The following XRCC4 variants were observed in gnomAD, a reference collection of about 807,000 sequenced individuals.
XRCC4 encodes DNA repair protein XRCC4.
A neutral mutation model predicts 39.1 loss-of-function variants in XRCC4; 28 were observed. The ratio of observed to expected loss-of-function variants is 0.72; its 90% CI spans 0.53 to 0.98. The LOEUF is 0.98. Among genes scored for constraint, XRCC4 ranks in the 50% least tolerant of loss-of-function variants. The pLI, the probability that XRCC4 is intolerant of heterozygous loss-of-function variation, is 0.00. For missense variants in XRCC4, 350 were observed against 376.4 expected (o/e 0.93, Z 0.58); for synonymous variants, 123 against 126.4 (o/e 0.97, Z 0.18).
chr5:83,128,392 G>C (rs577695649), intron 3 of XRCC4, among the ~76,000 whole-genome samples: 115 of 152,238 alleles, frequency 7.6e-4, no homozygotes, highest in African/African-American at 2.5e-3. Context: ...ATTTGGGTTG[G>C]TTCCAAGTCT....
chr5:83,252,995 G>C (rs972124412), intron 6 of XRCC4, among the ~76,000 whole-genome samples: 1 of 152,168 alleles, frequency 6.6e-6, no homozygotes, highest in African/African-American at 2.4e-5. Flanking sequence ...ATATAAGATT[G>C]TATGTATAAG....
intron 3 of XRCC4, among the ~76,000 whole-genome samples, chr5:83,164,257 C>T (rs1178119907): frequency 1.3e-5 from 2 of 152,068 alleles, no homozygotes; most frequent in Non-Finnish European, 2.9e-5. Context: ...TTTATTCTAT[C>T]AGTACAGCCC....
At chr5:83,247,495 G>T (rs1469565668) in intron 6 of XRCC4, among the ~76,000 whole-genome samples, 1 of 152,118 alleles carries the variant, frequency 6.6e-6, no homozygotes, top group Non-Finnish European at 1.5e-5. Flanking sequence ...AAAAAGGTTG[G>T]GGACTGTTGT....
At chr5:83,354,642 T>C (rs950344713), downstream of XRCC4, among the ~76,000 whole-genome samples, 5 of 152,150 alleles carry the variant, frequency 3.3e-5, no homozygotes, top group Non-Finnish European at 7.4e-5. Context: ...TTAGATGTTT[T>C]AGCATATCCA....
At chr5:83,268,374 A>G (rs1054560259) in intron 7 of XRCC4, among the ~76,000 whole-genome samples, 1 of 152,196 alleles carries the variant, frequency 6.6e-6, no homozygotes, top group African/African-American at 2.4e-5. Context: ...TGACTTCTCA[A>G]AAGACTGGAA....
At position 83,326,923 on chromosome 5, in the gene XRCC4, T is replaced by TA. The variant is rs551402945; in HGVS notation, c.894-26201dup. Among the ~76,000 whole-genome samples, 248 of 152,194 alleles carry TA rather than the reference T, an allele frequency of 1.6e-3. 1 individual carries two copies. Among genetic ancestry groups the TA allele is most frequent in the African/African-American group, 5.7e-3 (237 of 41,542 alleles). On this transcript the variant is annotated intron_variant, in intron 7 of 7. Coordinates refer to ENST00000396027, the MANE Select transcript of XRCC4 (RefSeq NM_003401.5). Reference sequence around the variant, plus strand: ...TTCACAATGAACAATACGCTGTTTTTAAAAAAATTGCTTTTTTACACCTAA... The same window carrying TA: ...TTCACAATGAACAATACGCTGTTTTTAAAAAAAATTGCTTTTTTACACCTAA...
rs980805731 is a variant in XRCC4 at position 83,353,258 on chromosome 5, C to G, written c.*16C>G. 6.5e-6 allele frequency: 10 copies of G among 1,546,094 alleles called. No individual in the cohort carries two copies. The Admixed American group carries it at 9.6e-5, about 15-fold the overall frequency. ...TGAGATTTAACAGTCTCAAAAAATA[C>G]TTTGATGTTCACTAGACTATGTTTT... On this transcript the variant is annotated 3_prime_UTR_variant, in exon 8 of 8. Transcript: ENST00000396027.
At chr5:83,350,188 T>C (rs1443617627) in intron 7 of XRCC4, among the ~76,000 whole-genome samples, 2 of 152,212 alleles carry the variant, frequency 1.3e-5, no homozygotes, top group African/African-American at 2.4e-5. Flanking sequence ...GTTGATTCCA[T>C]GTCTTTGCTG....
chr5:83,368,569 G>A, the XRCC4 span, among the ~76,000 whole-genome samples: 19 of 152,290 alleles, frequency 1.2e-4, no homozygotes, highest in Admixed American at 7.8e-4. Flanking sequence ...TGTGGCTAAC[G>A]ATGACTAATA....
chr5:83,083,413 GT>G (rs1182350545), intron 1 of XRCC4, among the ~76,000 whole-genome samples: 1 of 134,504 alleles, frequency 7.4e-6, no homozygotes, highest in Non-Finnish European at 1.5e-5. Context: ...GTCTTGCTCC[GT>G]TTCCCAGGCT....
At chr5:83,205,883 A>C (rs1380219343) in intron 6 of XRCC4, among the ~76,000 whole-genome samples, 2 of 152,100 alleles carry the variant, frequency 1.3e-5, no homozygotes, top group Non-Finnish European at 2.9e-5. Flanking sequence ...TGAAGGTGAC[A>C]TGCTGTCTTG....
intron 6 of XRCC4, among the ~76,000 whole-genome samples, chr5:83,237,151 G>A (rs959865915): frequency 1.3e-5 from 2 of 152,054 alleles, no homozygotes; most frequent in East Asian, 1.9e-4. Context: ...GAACAATACA[G>A]ATGTTCCTCA....
chr5:83,084,649 G>C (rs1335096942), intron 1 of XRCC4, among the ~76,000 whole-genome samples: 1 of 152,140 alleles, frequency 6.6e-6, no homozygotes, highest in African/African-American at 2.4e-5. Context: ...TCTTTCAGCA[G>C]TACCGAAATT....
intron 6 of XRCC4, among the ~76,000 whole-genome samples, chr5:83,210,258 CTTGT>C (rs1170455158): frequency 6.6e-6 from 1 of 152,120 alleles, no homozygotes; most frequent in African/African-American, 2.4e-5. Context: ...TCTTGCCCAG[CTTGT>C]TTATCATAGA....
In XRCC4 at chr5:83,104,961, C is replaced by A; in HGVS notation, c.42C>A (p.Pro14=). 1 of 1,613,406 alleles carries A rather than the reference C, an allele frequency of 6.2e-7. No individual in the cohort carries two copies. The highest frequency in any genetic ancestry group is 8.5e-7 in the Non-Finnish European group (1 of 1,179,678). Residue 14 remains proline (P), a synonymous_variant, in exon 2 of 8, where the codon CCC becomes CCA. Coordinates refer to ENST00000396027, the MANE Select transcript of XRCC4 (RefSeq NM_003401.5). ...GCAGAATCCACCTTGTTTCTGAACC[C>A]AGTATAACTCATTTTCTACAAGTAT... ...KISRIHLVSE[P]SITHFLQVSW...
chr5:83,152,630 C>T (rs1187792649), intron 3 of XRCC4, among the ~76,000 whole-genome samples: 2 of 82,070 alleles, frequency 2.4e-5, no homozygotes, highest in East Asian at 5.1e-4. Context: ...GAGATCCTGT[C>T]TCAAAAAAAA....
intron 7 of XRCC4, among the ~76,000 whole-genome samples, chr5:83,276,296 T>C (rs1452075174): frequency 1.3e-5 from 2 of 152,158 alleles, no homozygotes. Flanking sequence ...TAAGCTATGA[T>C]GTTTGGTAGA....
At chr5:83,357,636 T>C (rs1453011360), downstream of XRCC4, among the ~76,000 whole-genome samples, 1 of 152,166 alleles carries the variant, frequency 6.6e-6, no homozygotes. Flanking sequence ...AAAGGTATTT[T>C]AGTAGTGTGA....
At chr5:83,117,673 GTA>G (rs907449862) in intron 3 of XRCC4, among the ~76,000 whole-genome samples, 2 of 132,664 alleles carry the variant, frequency 1.5e-5, no homozygotes, top group Admixed American at 7.4e-5. Context: ...GTGTGTGTGT[GTA>G]TGTATGTATA....
Sources: allele counts gnomAD v4.1 joint callset (sites outside exome capture counted in the v4.1 genomes callset), GRCh38; gene constraint gnomAD v4.1.1; transcripts MANE v1.5; gene names NCBI Gene and HGNC (gene_info 2026-07-23, HGNC 2026-07-21).